FHAD1: variants seen among roughly 807,000 people sequenced by gnomAD.
FHAD1 encodes forkhead associated phosphopeptide binding domain 1.
FHAD1 carries 146 observed loss-of-function variants against 191.3 expected under a neutral mutation model. That is an observed-to-expected ratio of 0.76 (90% CI 0.67 to 0.88). The LOEUF is 0.88. Ranked by LOEUF, FHAD1 falls within the 40% of genes least tolerant of loss-of-function variation. The pLI is 0.00. For synonymous variants in FHAD1, 616 were observed against 672.3 expected (o/e 0.92, Z 1.29); for missense variants, 1,635 against 1,785.8 (o/e 0.92, Z 1.52).
rs944902402 is a variant in FHAD1, at chr1:15,346,454, G to A, written c.2346+931G>A. ...ACCACTCCCCGTTGCATTAAACACA[G>A]CCCACGTCATTTTTGGTATCTGTCC... On this transcript the variant is annotated intron_variant, in intron 18 of 33. Transcript: ENST00000688493. Among the ~76,000 whole-genome samples the A allele has an allele frequency of 2.0e-5, 3 of 152,132 alleles. No individual in the cohort carries two copies. In the South Asian group the frequency reaches 6.2e-4, roughly 32 times the overall value.
rs1706356512 is a variant in FHAD1, at chr1:15,397,337, G to T, written c.4364G>T (p.Arg1455Ile). The stretch of plus-strand genomic sequence containing the variant: ...GCCTCCCTAAAGATGGACCAAGAAA[G>T]AGAGATGCTGAGGAAAGAGACCTCC... Reference protein sequence around the residue: ...RKASLKMDQEREMLRKETSSK... With the variant: ...RKASLKMDQEIEMLRKETSSK... Residue 1455 changes from arginine (R) to isoleucine (I), a missense_variant, in exon 34 of 34, where the codon AGA (arginine) becomes ATA (isoleucine). Transcript: ENST00000688493. 2 of 1,545,384 alleles carry T rather than the reference G, an allele frequency of 1.3e-6. No individual in the cohort carries two copies. Among genetic ancestry groups the T allele is most frequent in the African/African-American group, 2.7e-5 (2 of 72,972 alleles).
Position 15,339,529 on chromosome 1 carries a change from T to C in FHAD1, c.1955T>C (p.Met652Thr), listed in dbSNP as rs188522007. 15 of 1,288,364 alleles carry C rather than the reference T, an allele frequency of 1.2e-5. No homozygotes were observed. In the African/African-American group the frequency reaches 1.5e-4, roughly 13 times the overall value. The allele number at this position is 1,288,364 out of a possible 1,614,324, so 79.8% of individuals were successfully genotyped here. Reference sequence around the variant, plus strand: ...CTTCTGGAACATTATAAAAAACTTATGAGCCAGGCCCAGGAACTTCAGGTA... The same window carrying C: ...CTTCTGGAACATTATAAAAAACTTACGAGCCAGGCCCAGGAACTTCAGGTA... ...IYLLEHYKKL[M>T]SQAQELQIKF... Residue 652 changes from methionine (M) to threonine (T), a missense_variant, in exon 15 of 34, where the codon ATG (methionine) becomes ACG (threonine). Transcript: ENST00000688493.
intron 1 of FHAD1, among the ~76,000 whole-genome samples, chr1:15,239,238 T>C (rs188324678): frequency 1.3e-5 from 2 of 152,206 alleles, no homozygotes; most frequent in Admixed American, 1.3e-4. Context: ...AAATCCTTAT[T>C]GAATGTTGGC....
At chr1:15,261,755 C>T (rs1651172479) in intron 2 of FHAD1, among the ~76,000 whole-genome samples, 1 of 152,204 alleles carries the variant, frequency 6.6e-6, no homozygotes, top group African/African-American at 2.4e-5. Flanking sequence ...AAAACCCCAG[C>T]TTGTTCTGTT....
chr1:15,374,860 GT>G (rs1197536658), intron 27 of FHAD1, among the ~76,000 whole-genome samples: 2 of 138,970 alleles, frequency 1.4e-5, no homozygotes, highest in African/African-American at 5.8e-5. Context: ...TTTTTTTTTT[GT>G]TTGTTTTTTT....
At chr1:15,256,723 C>A (rs140503406) in intron 2 of FHAD1, among the ~76,000 whole-genome samples, 96 of 151,370 alleles carry the variant, frequency 6.3e-4, no homozygotes, top group African/African-American at 2.3e-3. Flanking sequence ...CTGCCCTACA[C>A]CGAGGAGATT....
chr1:15,284,457 C>T lies in FHAD1; in HGVS notation c.301-4942C>T, dbSNP rs78011071. On this transcript the variant is annotated intron_variant, in intron 3 of 33. Transcript: ENST00000688493. Reference sequence around the variant, plus strand: ...TTGCGCCACTGCACTCCAGCCTGGGCGACAGAGCGAGACTCCATCTCAAAA... The same window carrying T: ...TTGCGCCACTGCACTCCAGCCTGGGTGACAGAGCGAGACTCCATCTCAAAA... Among the ~76,000 whole-genome samples the T allele has an allele frequency of 8.2e-5, 11 of 134,738 alleles. 1 individual carries two copies. In the East Asian group the frequency reaches 1.1e-3, roughly 13 times the overall value. The allele number at this position is 134,738 out of a possible 152,430, so 88.4% of individuals were successfully genotyped here.
intron 33 of FHAD1, among the ~76,000 whole-genome samples, chr1:15,392,488 C>G (rs556703512): frequency 2.6e-4 from 40 of 152,062 alleles, no homozygotes; most frequent in Non-Finnish European, 4.7e-4. Flanking sequence ...GCCGAGATTG[C>G]GCCACTGCAC....
chr1:15,241,763 A>G (rs917224507), intron 1 of FHAD1, among the ~76,000 whole-genome samples: 1 of 152,156 alleles, frequency 6.6e-6, no homozygotes, highest in Non-Finnish European at 1.5e-5. Context: ...AAGGGGTCAC[A>G]GGGAGACTTC....
chr1:15,265,268 GGAATGAACACA>G (rs1263271045), intron 2 of FHAD1, among the ~76,000 whole-genome samples: 2 of 152,132 alleles, frequency 1.3e-5, no homozygotes, highest in Non-Finnish European at 2.9e-5. Flanking sequence ...ATTAAATGAG[GGAATGAACACA>G]AAGTGCTTTG....
At chr1:15,237,077 G>A (rs1230383709) in intron 1 of FHAD1, among the ~76,000 whole-genome samples, 1 of 152,046 alleles carries the variant, frequency 6.6e-6, no homozygotes, top group Non-Finnish European at 1.5e-5. Flanking sequence ...AGTTTCCTGA[G>A]GCCTCCCTTG....
chr1:15,377,455 A>G (rs113132844), intron 28 of FHAD1, among the ~76,000 whole-genome samples: 4,541 of 152,274 alleles, frequency 0.03, 91 homozygotes, highest in Admixed American at 0.045. Flanking sequence ...ACAGGGCCTC[A>G]GTGCCACCAC....
chr1:15,395,079 C>T (rs1156707519), intron 33 of FHAD1, among the ~76,000 whole-genome samples: 1 of 151,944 alleles, frequency 6.6e-6, no homozygotes. Context: ...TTTGGGAGGC[C>T]GAGATGGGCG....
At chr1:15,339,942 C>T (rs1685853968) in intron 15 of FHAD1, among the ~76,000 whole-genome samples, 1 of 152,146 alleles carries the variant, frequency 6.6e-6, no homozygotes, top group Non-Finnish European at 1.5e-5. Context: ...TCTCCTGCTT[C>T]AGCTTTCTGA....
chr1:15,371,317 T>C (rs1698019419), intron 26 of FHAD1, among the ~76,000 whole-genome samples: 1 of 152,156 alleles, frequency 6.6e-6, no homozygotes, highest in Non-Finnish European at 1.5e-5. Context: ...TGGGATGCCC[T>C]TGATTTTTAG....
intron 10 of FHAD1, among the ~76,000 whole-genome samples, chr1:15,321,075 C>T (rs1285042012): frequency 6.6e-6 from 1 of 152,174 alleles, no homozygotes; most frequent in African/African-American, 2.4e-5. Context: ...GCTGGGACTA[C>T]AGGTGTACAC....
intron 18 of FHAD1, chr1:15,345,733 T>G (rs1569888315): frequency 1.7e-6 from 1 of 588,832 alleles, no homozygotes; most frequent in East Asian, 2.8e-5. Flanking sequence ...GGGAAAAAAT[T>G]GTAAACAGTG....
chr1:15,308,935 T>C (rs918498344), intron 7 of FHAD1, among the ~76,000 whole-genome samples, 199 bp downstream of exon 7: 1 of 152,214 alleles, frequency 6.6e-6, no homozygotes, highest in East Asian at 1.9e-4. Context: ...ATCCAGTTCC[T>C]AGCATAGGGC....
intron 6 of FHAD1, chr1:15,305,646 G>A: frequency 4.3e-6 from 1 of 233,486 alleles, no homozygotes; most frequent in South Asian, 4.3e-5. Context: ...TTGAATCATG[G>A]GGGCCAGTAT....
Sources: allele counts gnomAD v4.1 joint callset (sites outside exome capture counted in the v4.1 genomes callset), GRCh38; gene constraint gnomAD v4.1.1; transcripts MANE v1.5; gene names NCBI Gene and HGNC (gene_info 2026-07-23, HGNC 2026-07-21).